Variants in TMPRSS9 observed in about 807,000 individuals in gnomAD.
The protein encoded by TMPRSS9 is transmembrane serine protease 9, also known as transmembrane protease serine 9.
Under a neutral mutation model 111.4 loss-of-function variants are expected in TMPRSS9, and 113 were observed. That is an observed-to-expected ratio of 1.01 (90% CI 0.87 to 1.19). The LOEUF (loss-of-function observed/expected upper bound fraction) is 1.19. Among genes scored for constraint, TMPRSS9 ranks in the 50% most tolerant of loss-of-function variants. The probability of loss-of-function intolerance (pLI) is 0.00; values close to 1 mark genes in which losing one functional copy is unlikely to be tolerated. For synonymous variants in TMPRSS9, 805 were observed against 659.1 expected, an observed-to-expected ratio of 1.22 and a Z score of -3.39; for missense variants, 1,803 against 1,513.1, an observed-to-expected ratio of 1.19 and a Z score of -3.18.
chr19:2,415,460 C>T (rs1483754486), intron 10 of TMPRSS9, among the ~76,000 whole-genome samples: 2 of 152,100 alleles, frequency 1.3e-5, no homozygotes, highest in African/African-American at 4.8e-5. Flanking sequence ...TCTTTCTTAA[C>T]TTCTGTCCCC....
At chr19:2,426,224 C>T (rs1390416103) in exon 18 of TMPRSS9, 11 of 1,161,828 alleles carry the variant, frequency 9.5e-6, no homozygotes, top group Non-Finnish European at 1.3e-5. Context: ...CATTTTGGTA[C>T]CACCCTTTGT....
chr19:2,425,419 C>G, exon 17 of TMPRSS9: 2 of 1,583,236 alleles, frequency 1.3e-6, no homozygotes. Flanking sequence ...GACCTGCCGC[C>G]GCTTCTACCC....
chr19:2,377,485 C>T (rs1464878752), intron 1 of TMPRSS9, among the ~76,000 whole-genome samples: 2 of 42,252 alleles, frequency 4.7e-5, no homozygotes, highest in Admixed American at 2.2e-4. Flanking sequence ...TCTCCTCTCT[C>T]CCCCCCACCC....
At chr19:2,393,862 C>T (rs1468413018) in intron 1 of TMPRSS9, among the ~76,000 whole-genome samples, 1 of 138,494 alleles carries the variant, frequency 7.2e-6, no homozygotes, top group South Asian at 2.3e-4. Flanking sequence ...CATGCCACTG[C>T]ACTCCAACCT....
At chr19:2,401,260 G>T (rs971655275) in intron 4 of TMPRSS9, among the ~76,000 whole-genome samples, 2 of 151,744 alleles carry the variant, frequency 1.3e-5, no homozygotes, top group East Asian at 3.9e-4. Context: ...GGCGACAGAG[G>T]GAGACTCCGT....
chr19:2,395,726 G>A (rs1010529468), intron 1 of TMPRSS9, among the ~76,000 whole-genome samples: 2 of 151,296 alleles, frequency 1.3e-5, no homozygotes, highest in African/African-American at 4.9e-5. Context: ...AAAACAAACA[G>A]GCCGGGTGTG....
At chr19:2,416,276 G>T in intron 11 of TMPRSS9, 1 of 529,566 alleles carries the variant, frequency 1.9e-6, no homozygotes, top group Non-Finnish European at 3.3e-6. Flanking sequence ...GGGGTTGGGG[G>T]GGGGCATTGG....
intron 1 of TMPRSS9, among the ~76,000 whole-genome samples, chr19:2,391,601 CGT>C (rs10636442): frequency 1.3e-4 from 19 of 149,380 alleles, no homozygotes; most frequent in East Asian, 5.9e-4. Context: ...TGTGTGCATG[CGT>C]GTGTGTGTGT....
intron 10 of TMPRSS9, among the ~76,000 whole-genome samples, chr19:2,414,898 T>C (rs995103191): frequency 3.3e-5 from 5 of 150,562 alleles, no homozygotes; most frequent in African/African-American, 1.2e-4. Flanking sequence ...AGAAAACTTG[T>C]AGGACTATAT....
chr19:2,396,533 C>T lies in TMPRSS9; in HGVS notation c.143-6C>T, dbSNP rs780141443. 15 of 1,597,694 alleles carry T rather than the reference C, an allele frequency of 9.4e-6. No homozygotes were observed. The highest frequency in any genetic ancestry group is 1.7e-6 in the Non-Finnish European group (2 of 1,170,972). On this transcript the variant is annotated splice_region_variant and splice_polypyrimidine_tract_variant and intron_variant, in intron 1 of 17. Coordinates refer to ENST00000648592, the Ensembl canonical transcript of TMPRSS9. Reference sequence around the variant, plus strand: ...GCTCTCTCACGGGCCCTGGTCTCGTCCCCAGCCTTCCTCTCTACACAGGGC... The same window carrying T: ...GCTCTCTCACGGGCCCTGGTCTCGTTCCCAGCCTTCCTCTCTACACAGGGC...
At chr19:2,369,123 G>A (rs1212415162) in intron 1 of TMPRSS9, among the ~76,000 whole-genome samples, 1 of 151,696 alleles carries the variant, frequency 6.6e-6, no homozygotes, top group Non-Finnish European at 1.5e-5. Flanking sequence ...AGCTAATTTT[G>A]TATTTTTAGT....
chr19:2,400,772 G>C (rs1970818538), intron 4 of TMPRSS9, among the ~76,000 whole-genome samples: 1 of 151,298 alleles, frequency 6.6e-6, no homozygotes, highest in Non-Finnish European at 1.5e-5. Context: ...TCAGGAGTTT[G>C]AGACCAGCCG....
At chr19:2,424,755 G>A (rs748659439) in intron 15 of TMPRSS9, among the ~76,000 whole-genome samples, 12 of 152,252 alleles carry the variant, frequency 7.9e-5, no homozygotes, top group East Asian at 1.9e-4. Context: ...AGGGCAGGCG[G>A]GGGGCGGGAC....
intron 4 of TMPRSS9, among the ~76,000 whole-genome samples, chr19:2,401,273 C>CA (rs534945361): frequency 0.027 from 3,953 of 145,190 alleles, 158 homozygotes; most frequent in African/African-American, 0.089. Context: ...GACTCCGTCT[C>CA]AAAAAAAAAA....
intron 15 of TMPRSS9, 97 bp downstream of exon 16, chr19:2,424,354 G>T: frequency 9.0e-6 from 11 of 1,224,288 alleles, no homozygotes; most frequent in Non-Finnish European, 1.1e-5. Flanking sequence ...CTCCTTTGCC[G>T]GGAGTGCCCT....
chr19:2,409,017 T>C (rs1308217962), intron 8 of TMPRSS9, among the ~76,000 whole-genome samples: 2 of 141,584 alleles, frequency 1.4e-5, no homozygotes, highest in East Asian at 4.0e-4. Context: ...ATAATAATAA[T>C]AATAATAATA....
At chr19:2,426,118 T>C (rs1288330676) in exon 18 of TMPRSS9, 2 of 1,505,220 alleles carry the variant, frequency 1.3e-6, no homozygotes, top group South Asian at 2.4e-5. Flanking sequence ...GCCGAGACTC[T>C]ACGTGAAAGC....
At chr19:2,423,975 C>A in intron 14 of TMPRSS9, 114 bp from the exon 16 acceptor site, 1 of 1,148,702 alleles carries the variant, frequency 8.7e-7, no homozygotes, top group Non-Finnish European at 1.1e-6. Context: ...GGTCCCCCAT[C>A]ACAACCTACT....
At chr19:2,410,373 C>G in exon 9 of TMPRSS9, 1 of 1,613,952 alleles carries the variant, frequency 6.2e-7, no homozygotes, top group Non-Finnish European at 8.5e-7. Context: ...GCTACCTGGA[C>G]GGGAAGGTGG....
Sources: gnomAD v4.1 joint callset for allele counts (sites outside exome capture counted in the v4.1 genomes callset) on GRCh38, gnomAD v4.1.1 for gene constraint, MANE v1.5 for transcripts, NCBI Gene and HGNC (gene_info 2026-07-23, HGNC 2026-07-21) for gene names.